The following AGK variants were observed in gnomAD, a reference collection of about 807,000 sequenced individuals.
AGK encodes acylglycerol kinase, mitochondrial.
A neutral mutation model predicts 66.4 loss-of-function variants in AGK; 52 were observed. The ratio of observed to expected loss-of-function variants is 0.78; its 90% CI spans 0.63 to 0.99. The LOEUF (loss-of-function observed/expected upper bound fraction) is 0.99, where lower values mean the gene tolerates loss of function less well. Among genes scored for constraint, AGK ranks in the 50% least tolerant of loss-of-function variants. The pLI, the probability that AGK is intolerant of heterozygous loss-of-function variation, is 0.00. For synonymous variants in AGK, 182 were observed against 181.1 expected (o/e 1.00, Z -0.04); for missense variants, 451 against 506.6 (o/e 0.89, Z 1.05).
chr7:141,652,739 T>G (rs377016032), intron 15 of AGK, 48 bp from the exon 16 acceptor site: 13 of 1,598,170 alleles, frequency 8.1e-6, no homozygotes, highest in Non-Finnish European at 1.1e-5. Context: ...CCAACTCCAG[T>G]AGGCCACTGA....
intron 2 of AGK, among the ~76,000 whole-genome samples, chr7:141,579,513 A>G (rs1343372200): frequency 6.6e-6 from 1 of 151,908 alleles, no homozygotes; most frequent in Admixed American, 6.5e-5. Context: ...GAAAGTGTCT[A>G]CCCAGACCAA....
intron 8 of AGK, among the ~76,000 whole-genome samples, chr7:141,621,094 A>G (rs117647156): frequency 1.6e-3 from 244 of 152,300 alleles, no homozygotes; most frequent in Non-Finnish European, 2.6e-3. Flanking sequence ...CATCGAACCT[A>G]ATCATTGCTT....
chr7:141,557,418 A>G (rs901879494), intron 2 of AGK, among the ~76,000 whole-genome samples: 2 of 152,202 alleles, frequency 1.3e-5, no homozygotes, highest in Non-Finnish European at 2.9e-5. Context: ...TTTTCTAACT[A>G]CACTTGAGTC....
chr7:141,599,869 C>T (rs931122510), intron 4 of AGK, among the ~76,000 whole-genome samples: 5 of 152,054 alleles, frequency 3.3e-5, no homozygotes, highest in African/African-American at 1.2e-4. Flanking sequence ...TACACTCAGG[C>T]CCTTGGTTTG....
chr7:141,630,358 G>C (rs1424569430), intron 9 of AGK, among the ~76,000 whole-genome samples: 2 of 151,968 alleles, frequency 1.3e-5, no homozygotes, highest in Non-Finnish European at 2.9e-5. Context: ...TGCACAGCAG[G>C]GTGACTATAG....
chr7:141,633,868 C>A (rs753255567), intron 9 of AGK, 33 bp from the exon 10 acceptor site: 1 of 1,575,916 alleles, frequency 6.3e-7, no homozygotes, highest in Middle Eastern at 1.7e-4. Flanking sequence ...TGATTATAGT[C>A]ATGAATTTAA....
intron 2 of AGK, among the ~76,000 whole-genome samples, chr7:141,556,884 TC>T (rs985726624): frequency 1.1e-4 from 17 of 152,208 alleles, no homozygotes; most frequent in African/African-American, 4.1e-4. Context: ...TTATTAGTCT[TC>T]CTGCATGGAG....
At chr7:141,606,563 C>T (rs1796464831) in intron 5 of AGK, among the ~76,000 whole-genome samples, 2 of 152,142 alleles carry the variant, frequency 1.3e-5, no homozygotes, top group African/African-American at 2.4e-5. Context: ...TTCCTTCTCT[C>T]CCCTGCCCAC....
chr7:141,628,666 T>A (rs894434344), intron 9 of AGK, among the ~76,000 whole-genome samples: 5 of 152,204 alleles, frequency 3.3e-5, no homozygotes, highest in African/African-American at 1.2e-4. Context: ...GAAGTCGAGG[T>A]GAGATTCGTA....
chr7:141,609,561 CT>C (rs1796535518), intron 5 of AGK, among the ~76,000 whole-genome samples: 1 of 152,236 alleles, frequency 6.6e-6, no homozygotes, highest in African/African-American at 2.4e-5. Context: ...CCTCTCAACA[CT>C]TCAGTGTTGA....
intron 2 of AGK, among the ~76,000 whole-genome samples, chr7:141,586,512 T>C (rs1451922828): frequency 6.6e-6 from 1 of 152,222 alleles, no homozygotes; most frequent in East Asian, 1.9e-4. Flanking sequence ...TACGAGTGTG[T>C]GCTGTGGGCT....
intron 9 of AGK, among the ~76,000 whole-genome samples, chr7:141,622,785 G>C (rs1205749514): frequency 6.6e-6 from 1 of 152,184 alleles, no homozygotes; most frequent in South Asian, 2.1e-4. Context: ...ACCAGGTGCG[G>C]TGGCTCTTGC....
intron 3 of AGK, among the ~76,000 whole-genome samples, chr7:141,595,057 A>T (rs897577669): frequency 1.3e-5 from 2 of 152,194 alleles, no homozygotes; most frequent in Non-Finnish European, 2.9e-5. Flanking sequence ...TAATTTTCCT[A>T]TCTGTGTACT....
chr7:141,611,334 G>T, intron 6 of AGK, 47 bp downstream of exon 6: 1 of 1,402,284 alleles, frequency 7.1e-7, no homozygotes, highest in Non-Finnish European at 9.9e-7. Flanking sequence ...TGAGAAAAAT[G>T]GAAATTAAAT....
chr7:141,588,542 G>A (rs1230309034), intron 2 of AGK, among the ~76,000 whole-genome samples: 2 of 152,022 alleles, frequency 1.3e-5, no homozygotes, highest in African/African-American at 4.8e-5. Context: ...CTTGAACCCG[G>A]GAGATGGAAG....
rs1415421862 is a variant in AGK at position 141,632,799 on chromosome 7, A to C, written c.589-1102A>C. On this transcript the variant is annotated intron_variant, in intron 9 of 15. Transcript: ENST00000649286. ...GAGAGTGAAGATTCAAGTCTACTGC[A>C]TGAGCAGATACTCGACAAAGGGATG... is the stretch of plus-strand genomic sequence containing the variant. Among the ~76,000 whole-genome samples, 5 of 152,222 alleles carry C rather than the reference A, an allele frequency of 3.3e-5. 1 individual carries two copies. The East Asian group carries it at 9.6e-4, about 29-fold the overall frequency.
rs769219287 is a variant in AGK, at chr7:141,555,472, G to A, written c.6G>A (p.Thr2=). 14 of 1,612,928 alleles carry A rather than the reference G, an allele frequency of 8.7e-6. No homozygotes were observed. The highest frequency in any genetic ancestry group is 2.2e-5 in the East Asian group (1 of 44,858). The part of the protein sequence containing the change: M[T]VFFKTLRNHW... ...ACCTAGCAAATCTCTAGAAGATGACGGTGTTCTTTAAAACGCTTCGAAATC... is the reference window on the plus strand; with the variant it reads ...ACCTAGCAAATCTCTAGAAGATGACAGTGTTCTTTAAAACGCTTCGAAATC... Residue 2 remains threonine (T), a synonymous_variant, in exon 2 of 16, where the codon ACG becomes ACA. Transcript: ENST00000649286. This position sits in a 1 kb window ranked among gnomAD's most constrained non-coding sequence, Gnocchi z 4.2.
intron 9 of AGK, among the ~76,000 whole-genome samples, chr7:141,632,230 T>TA (rs796882982): frequency 0.019 from 2,410 of 126,958 alleles, 34 homozygotes; most frequent in African/African-American, 0.049. Context: ...AAACTCCGTC[T>TA]AAAAAAAAAA....
At chr7:141,647,017 T>A (rs2117023706) in intron 13 of AGK, among the ~76,000 whole-genome samples, 1 of 152,284 alleles carries the variant, frequency 6.6e-6, no homozygotes, top group Non-Finnish European at 1.5e-5. Context: ...ACTTGGTGGT[T>A]GTCCTCCTGA....
Sources: gnomAD v4.1 joint callset for allele counts (sites outside exome capture counted in the v4.1 genomes callset) on GRCh38, gnomAD v4.1.1 for gene constraint, Gnocchi (gnomAD v3.1) non-coding constraint, MANE v1.5 for transcripts, NCBI Gene and HGNC (gene_info 2026-07-23, HGNC 2026-07-21) for gene names.